Variants in GPHN observed in about 807,000 individuals in gnomAD.
GPHN encodes gephyrin.
In GPHN, 17 loss-of-function variants were observed where a neutral mutation model predicts 95.5. The ratio of observed to expected loss-of-function variants is 0.18; its 90% CI spans 0.12 to 0.27. GPHN has a LOEUF of 0.27. GPHN is among the 10% of genes least tolerant of loss of function. The pLI is 1.00. For synonymous variants in GPHN, 320 were observed against 322.5 expected (o/e 0.99, Z 0.08); for missense variants, 660 against 978.1 (o/e 0.67, Z 4.34).
intron 1 of GPHN, among the ~76,000 whole-genome samples, chr14:66,538,225 T>G (rs988900301): frequency 1.3e-5 from 2 of 152,178 alleles, no homozygotes; most frequent in African/African-American, 4.8e-5. Context: ...TTTGGCTGCA[T>G]TTAAGATTTT....
chr14:66,688,293 C>G (rs2067534147), intron 2 of GPHN, among the ~76,000 whole-genome samples: 1 of 152,064 alleles, frequency 6.6e-6, no homozygotes, highest in African/African-American at 2.4e-5. Flanking sequence ...GTTTTGCTGT[C>G]TCAGGAGTGG....
intron 3 of GPHN, among the ~76,000 whole-genome samples, chr14:66,781,215 A>C (rs1595883890): frequency 6.7e-6 from 1 of 149,062 alleles, no homozygotes. Flanking sequence ...CACTATTCTG[A>C]CTTCTTTCTT....
chr14:67,098,108 C>T (rs979803587), intron 12 of GPHN, among the ~76,000 whole-genome samples: 3 of 151,622 alleles, frequency 2.0e-5, no homozygotes, highest in African/African-American at 4.8e-5. Flanking sequence ...CAAACCTGCA[C>T]GTTGTGCACA....
chr14:66,754,336 G>A (rs1303236029), intron 2 of GPHN, among the ~76,000 whole-genome samples: 5 of 151,906 alleles, frequency 3.3e-5, no homozygotes, highest in African/African-American at 4.8e-5. Context: ...ATTTATGAGG[G>A]AAAACTGATA....
chr14:67,153,813 A>G (rs1435912487), intron 18 of GPHN, among the ~76,000 whole-genome samples: 1 of 152,078 alleles, frequency 6.6e-6, no homozygotes, highest in Non-Finnish European at 1.5e-5. Flanking sequence ...TTCTTCTCAT[A>G]TGACTCTGGG....
intron 2 of GPHN, among the ~76,000 whole-genome samples, chr14:66,753,740 CTTATT>C (rs1412912675): frequency 2.0e-5 from 3 of 151,994 alleles, no homozygotes; most frequent in Non-Finnish European, 4.4e-5. Flanking sequence ...ATAAAATTTA[CTTATT>C]TTAAGTGCAC....
At chr14:66,720,028 T>C (rs1380372993) in intron 2 of GPHN, among the ~76,000 whole-genome samples, 1 of 152,198 alleles carries the variant, frequency 6.6e-6, no homozygotes, top group Non-Finnish European at 1.5e-5. Context: ...TTATTTTAAT[T>C]TATACATTAT....
At chr14:67,170,082 A>C (rs1158866753) in intron 21 of GPHN, among the ~76,000 whole-genome samples, 2 of 152,230 alleles carry the variant, frequency 1.3e-5, no homozygotes, top group Admixed American at 1.3e-4. Context: ...TCATCTCAAA[A>C]TAAAAATAAA....
At chr14:67,730,526 G>A in the GPHN span, among the ~76,000 whole-genome samples, 1 of 152,152 alleles carries the variant, frequency 6.6e-6, no homozygotes, top group Non-Finnish European at 1.5e-5. Context: ...GATTTTTGGG[G>A]TTTGAGATGC....
At chr14:66,629,178 T>A (rs991366875) in intron 1 of GPHN, among the ~76,000 whole-genome samples, 1 of 136,280 alleles carries the variant, frequency 7.3e-6, no homozygotes, top group Non-Finnish European at 1.6e-5. Flanking sequence ...AATATATATA[T>A]ACATATATAA....
At chr14:67,595,723 C>T in the GPHN span, among the ~76,000 whole-genome samples, 1 of 152,006 alleles carries the variant, frequency 6.6e-6, no homozygotes, top group African/African-American at 2.4e-5. Context: ...CTCTGCCAGA[C>T]CCAGTGGAGA....
intron 1 of GPHN, among the ~76,000 whole-genome samples, chr14:66,552,458 G>A (rs2059848777): frequency 1.3e-5 from 2 of 152,038 alleles, no homozygotes; most frequent in Admixed American, 6.6e-5. Context: ...ATTTTTAAGT[G>A]AATTATGAGA....
At chr14:67,360,058 C>T in the GPHN span, 1 of 432,044 alleles carries the variant, frequency 2.3e-6, no homozygotes, top group Non-Finnish European at 4.1e-6. Context: ...CCTTGTCTTT[C>T]TCCACCTTTC....
At chr14:67,496,153 T>C in the GPHN span, among the ~76,000 whole-genome samples, 1 of 152,240 alleles carries the variant, frequency 6.6e-6, no homozygotes, top group African/African-American at 2.4e-5. Flanking sequence ...GGTGCCACTG[T>C]ACTCCAGCCT....
intron 3 of GPHN, among the ~76,000 whole-genome samples, chr14:66,810,394 G>T (rs940624754): frequency 2.6e-5 from 4 of 151,340 alleles, no homozygotes; most frequent in East Asian, 3.9e-4. Context: ...AGTATTAATA[G>T]AATTTAATTA....
At chr14:67,131,181 A>G (rs905111190) in intron 17 of GPHN, among the ~76,000 whole-genome samples, 1 of 151,962 alleles carries the variant, frequency 6.6e-6, no homozygotes. Context: ...ATTTGAGCAC[A>G]TATATTTTTC....
chr14:67,127,812 T>G (rs1485657585), intron 17 of GPHN, among the ~76,000 whole-genome samples: 1 of 152,212 alleles, frequency 6.6e-6, no homozygotes, highest in Non-Finnish European at 1.5e-5. Flanking sequence ...TTTGGAACTA[T>G]AAGAAGAAAG....
chr14:66,567,756 A>G (rs564795795), intron 1 of GPHN, among the ~76,000 whole-genome samples: 1 of 152,268 alleles, frequency 6.6e-6, no homozygotes, highest in East Asian at 1.9e-4. Flanking sequence ...TAATTGTTTA[A>G]TACATTTTGT....
At chr14:67,627,094 G>A in the GPHN span, among the ~76,000 whole-genome samples, 1 of 152,104 alleles carries the variant, frequency 6.6e-6, no homozygotes, top group African/African-American at 2.4e-5. Flanking sequence ...GTTTCTTTCC[G>A]AAGGGTGATG....
Sources: allele counts gnomAD v4.1 joint callset (sites outside exome capture counted in the v4.1 genomes callset), GRCh38; gene constraint gnomAD v4.1.1; transcripts MANE v1.5; gene names NCBI Gene and HGNC (gene_info 2026-07-23, HGNC 2026-07-21).